Variants in POMT2 observed in about 807,000 individuals in gnomAD.
POMT2 encodes the protein protein O-mannosyl-transferase 2.
POMT2 carries 75 observed loss-of-function variants against 100.0 expected under a neutral mutation model. The ratio of observed to expected loss-of-function variants is 0.75; its 90% CI spans 0.62 to 0.91. The LOEUF (loss-of-function observed/expected upper bound fraction) is 0.91. Among genes scored for constraint, POMT2 ranks in the 40% least tolerant of loss-of-function variants. The pLI, the probability that POMT2 is intolerant of heterozygous loss-of-function variation, is 0.00. For synonymous variants in POMT2, 378 were observed against 374.1 expected (o/e 1.01, Z -0.12); for missense variants, 940 against 955.1 (o/e 0.98, Z 0.21).
Position 77,306,370 on chromosome 14 carries a change from T to C in POMT2, c.405A>G (p.Lys135=). Residue 135 remains lysine, a synonymous_variant, in exon 3 of 21, where the codon AAA becomes AAG. Coordinates refer to ENST00000261534, the MANE Select transcript of POMT2 (RefSeq NM_013382.7). ...TTCCCATGTAGCTGTGATGCTCATA[T>C]TTATCCCCAGGCTTCTGGAACAAAA... ...GTFLFQKPGD[K]YEHHSYMGMR... The C allele has an allele frequency of 6.2e-7, 1 of 1,613,228 alleles. No homozygotes were observed. Among genetic ancestry groups the C allele is most frequent in the Non-Finnish European group, 8.5e-7 (1 of 1,179,214 alleles).
chr14:77,298,815 G>T, intron 7 of POMT2, 44 bp from the exon 8 acceptor site: 1 of 1,565,176 alleles, frequency 6.4e-7, no homozygotes, highest in Non-Finnish European at 8.7e-7. Context: ...TTAAAGGAGT[G>T]AAAGTGTGAT....
intron 19 of POMT2, 63 bp downstream of exon 19, chr14:77,278,666 C>A: frequency 4.4e-6 from 7 of 1,601,132 alleles, no homozygotes; most frequent in Non-Finnish European, 5.1e-6. Context: ...CCCAGCACTG[C>A]TGCCCAACAG....
intron 1 of POMT2, among the ~76,000 whole-genome samples, chr14:77,314,038 C>A (rs1891538372): frequency 6.6e-6 from 1 of 152,146 alleles, no homozygotes; most frequent in South Asian, 2.1e-4. Flanking sequence ...TCAAAAGTTT[C>A]CCAAGTAAAA....
chr14:77,316,570 A>AAG (rs1198637753), intron 1 of POMT2, among the ~76,000 whole-genome samples: 3 of 150,110 alleles, frequency 2.0e-5, no homozygotes, highest in African/African-American at 7.4e-5. Context: ...CATCTCTAAA[A>AAG]AAAAAAAAAA....
intron 13 of POMT2, 125 bp downstream of exon 13, chr14:77,285,356 A>G (rs941450021): frequency 7.7e-7 from 1 of 1,304,884 alleles, no homozygotes; most frequent in African/African-American, 1.5e-5. Flanking sequence ...CTCTCCCTCC[A>G]TCTGCCACTA....
intron 9 of POMT2, among the ~76,000 whole-genome samples, chr14:77,293,262 T>C (rs1301990895): frequency 6.6e-6 from 1 of 152,188 alleles, no homozygotes; most frequent in Non-Finnish European, 1.5e-5. Flanking sequence ...TCTGTGTAGA[T>C]GTGTGGTAGG....
chr14:77,305,243 C>T lies in POMT2; in HGVS notation c.439-443G>A, dbSNP rs112132909. Among the ~76,000 whole-genome samples the T allele has an allele frequency of 1.2e-3, 184 of 152,280 alleles. 1 individual carries two copies. The highest frequency in any genetic ancestry group is 1.9e-3 in the South Asian group (9 of 4,828). The stretch of plus-strand genomic sequence containing the variant: ...AGAGAATTTTAAGGAACCCCTAGTT[C>T]TTTTCTTCATTTACACCAGAAACCA... On this transcript the variant is annotated intron_variant, in intron 3 of 20. Transcript: ENST00000261534.
rs753326186 is a variant in POMT2 at position 77,320,632 on chromosome 14, C to G, written c.50G>C (p.Arg17Pro). Residue 17 changes from arginine (R) to proline (P), a missense_variant, in exon 1 of 21, where the codon CGG becomes CCG. Transcript: ENST00000261534. ...GGLAESELRP[R>P]RGRCGPQAAR... is the part of the protein sequence containing the mutation. ...AGCCTGGGGGCCACAGCGGCCCCTCCGGGGACGCAGCTCGGACTCTGCCAG... is the reference window on the plus strand; with the variant it reads ...AGCCTGGGGGCCACAGCGGCCCCTCGGGGGACGCAGCTCGGACTCTGCCAG... 25 of 1,592,168 alleles carry G rather than the reference C, an allele frequency of 1.6e-5. No homozygotes were observed. Among genetic ancestry groups the G allele is most frequent in the Non-Finnish European group, 1.0e-5 (12 of 1,177,262 alleles).
intron 3 of POMT2, among the ~76,000 whole-genome samples, chr14:77,305,375 C>T (rs1891189328): frequency 6.6e-6 from 1 of 151,994 alleles, no homozygotes; most frequent in East Asian, 1.9e-4. Context: ...AGCTGCTGGC[C>T]CTCTTCCATC....
Position 77,299,576 on chromosome 14 carries a change from C to T in POMT2, c.817-15G>A, listed in dbSNP as rs748395584. ...CCCACAGTCACCTGCAAACAGAGGC[C>T]AGCGTGGGGTGCTAGGCATGTGAGA... On this transcript the variant is annotated splice_polypyrimidine_tract_variant and intron_variant, in intron 6 of 20. Transcript: ENST00000261534. 3.2e-5 allele frequency: 51 copies of T among 1,606,488 alleles called. No homozygotes were observed. Among genetic ancestry groups the T allele is most frequent in the East Asian group, 4.5e-5 (2 of 44,838 alleles).
At chr14:77,296,760 C>T (rs1043430133) in intron 8 of POMT2, among the ~76,000 whole-genome samples, 6 of 152,148 alleles carry the variant, frequency 3.9e-5, no homozygotes, top group Admixed American at 3.3e-4. Context: ...AAACAAAAAA[C>T]ACAGAAAACC....
rs587780422 is a variant in POMT2, at chr14:77,298,684, C to T, written c.1006+5G>A. On this transcript the variant is annotated splice_donor_5th_base_variant and intron_variant, in intron 8 of 20. Coordinates refer to ENST00000261534, the MANE Select transcript of POMT2 (RefSeq NM_013382.7). ...CTACCTTTGTAATGGCCCAGAGACACTCACGTTCAGGGATGGAAGCATTGT... is the reference window on the plus strand; with the variant it reads ...CTACCTTTGTAATGGCCCAGAGACATTCACGTTCAGGGATGGAAGCATTGT... 45 of 1,613,824 alleles carry T rather than the reference C, an allele frequency of 2.8e-5. No homozygotes were observed. Among genetic ancestry groups the T allele is most frequent in the Non-Finnish European group, 3.8e-5 (45 of 1,179,916 alleles).
At chr14:77,309,970 G>A (rs776947378) in intron 2 of POMT2, among the ~76,000 whole-genome samples, 1 of 152,170 alleles carries the variant, frequency 6.6e-6, no homozygotes, top group Admixed American at 6.5e-5. Flanking sequence ...GAGCCACCAC[G>A]CCTGGCCTAA....
At chr14:77,315,394 A>G (rs903217960) in intron 1 of POMT2, among the ~76,000 whole-genome samples, 1 of 152,230 alleles carries the variant, frequency 6.6e-6, no homozygotes, top group African/African-American at 2.4e-5. Flanking sequence ...GGCTGTCACC[A>G]TAGCCCCTGA....
At position 77,277,134 on chromosome 14, in the gene POMT2, C is replaced by A; in HGVS notation, c.*242G>T. 2 of 551,692 alleles carry A rather than the reference C, an allele frequency of 3.6e-6. No homozygotes were observed. The highest frequency in any genetic ancestry group is 3.2e-5 in the East Asian group (1 of 31,530). 34.2% of individuals were successfully genotyped at this position (551,692 alleles called of 1,614,324 possible). On this transcript the variant is annotated 3_prime_UTR_variant, in exon 21 of 21. Transcript: ENST00000261534. ...CACCCATCCTCCCCTGCGCTGTGCA[C>A]GAGGGAGCAGCCCAAGAGGCGCTGT...
chr14:77,278,466 A>C lies in POMT2; in HGVS notation c.2075T>G (p.Leu692Trp). Residue 692 changes from leucine to tryptophan, a missense_variant, in exon 20 of 21, where the codon TTG (leucine) becomes TGG (tryptophan). By Grantham distance (61) the Leu-to-Trp change is moderately conservative. Transcript: ENST00000261534. ...GCCCCTCGCCAGGGGCCATGAGGCC[A>C]AGCCCCAGGCACAGAGCCGCAGGAG... ...DTLLRLCAWGLASWPLARGIH... is the reference protein window; with the variant it reads ...DTLLRLCAWGWASWPLARGIH... 6.6e-7 allele frequency: 1 copy of C among 1,506,502 alleles called. No individual in the cohort carries two copies. Among genetic ancestry groups the C allele is most frequent in the Non-Finnish European group, 9.0e-7 (1 of 1,106,028 alleles). 93.3% of individuals were successfully genotyped at this position (1,506,502 alleles called of 1,614,324 possible).
In POMT2 at chr14:77,277,234, A is replaced by G. The variant is rs905973802; in HGVS notation, c.*142T>C. The G allele has an allele frequency of 1.2e-5, 9 of 722,152 alleles. No individual in the cohort carries two copies. The highest frequency in any genetic ancestry group is 1.9e-5 in the Non-Finnish European group (8 of 411,872). 44.7% of individuals were successfully genotyped at this position (722,152 alleles called of 1,614,324 possible). Reference sequence around the variant, plus strand: ...CAATGCTGGGTTCCATTCCAGCTGCACTCCCAGAGCTGGGTCCTGGTGAGC... The same window carrying G: ...CAATGCTGGGTTCCATTCCAGCTGCGCTCCCAGAGCTGGGTCCTGGTGAGC... On this transcript the variant is annotated 3_prime_UTR_variant, in exon 21 of 21. Transcript: ENST00000261534.
intron 2 of POMT2, among the ~76,000 whole-genome samples, chr14:77,310,960 C>T (rs1006565194): frequency 6.6e-6 from 1 of 152,170 alleles, no homozygotes; most frequent in South Asian, 2.1e-4. Flanking sequence ...ATGGTGAAAC[C>T]CCGTCTCTAC....
intron 5 of POMT2, 117 bp from the exon 6 acceptor site, chr14:77,301,366 G>T: frequency 7.3e-7 from 1 of 1,379,210 alleles, no homozygotes; most frequent in East Asian, 2.4e-5. Context: ...CCTGTCTTGG[G>T]GGCTCTTAGC....
Sources: allele counts gnomAD v4.1 joint callset (sites outside exome capture counted in the v4.1 genomes callset), GRCh38; gene constraint gnomAD v4.1.1; transcripts MANE v1.5; gene names NCBI Gene and HGNC (gene_info 2026-07-23, HGNC 2026-07-21).